The following PCDHGA2 variants were observed in gnomAD, a reference collection of about 807,000 sequenced individuals.
The protein encoded by PCDHGA2 is protocadherin gamma subfamily A, 2.
A neutral mutation model predicts 59.2 loss-of-function variants in PCDHGA2; 40 were observed. The ratio of observed to expected loss-of-function variants is 0.68; its 90% confidence interval spans 0.52 to 0.88. PCDHGA2 has a LOEUF of 0.88. Among genes scored for constraint, PCDHGA2 ranks in the 40% least tolerant of loss-of-function variants. The pLI, the probability that PCDHGA2 is intolerant of heterozygous loss-of-function variation, is 0.00. For synonymous variants in PCDHGA2, 560 were observed against 526.0 expected (o/e 1.06, Z -0.89); for missense variants, 1,226 against 1,204.0 (o/e 1.02, Z -0.27).
chr5:141,393,508 T>C, intron 1 of PCDHGA2: 1 of 1,614,010 alleles, frequency 6.2e-7, no homozygotes, highest in Non-Finnish European at 8.5e-7. Context: ...CACGTGACAG[T>C]GTTGGATACA....
chr5:141,376,384 T>C (rs1588802430), intron 1 of PCDHGA2: 13 of 1,614,204 alleles, frequency 8.1e-6, no homozygotes, highest in Middle Eastern at 1.7e-4. Context: ...GTAAGAGTCA[T>C]CTGATTTTCC....
Position 141,359,394 on chromosome 5 carries a change from C to G in PCDHGA2, c.2424+17999C>G, listed in dbSNP as rs141452272. ...CAGTAGATAATTTATAACCTAAAAT[C>G]AAATTTTTTAAAAAATGTGTTTTTG... On this transcript the variant is annotated intron_variant, in intron 1 of 3. Coordinates refer to ENST00000394576, the MANE Select transcript of PCDHGA2 (RefSeq NM_018915.4). Among the ~76,000 whole-genome samples the G allele has an allele frequency of 8.6e-5, 13 of 151,974 alleles. No homozygotes were observed. In the East Asian group the frequency reaches 2.3e-3, roughly 27 times the overall value.
At chr5:141,415,904 C>T in intron 1 of PCDHGA2, 1 of 833,428 alleles carries the variant, frequency 1.2e-6, no homozygotes, top group Non-Finnish European at 1.6e-6. Context: ...AGACAGACTT[C>T]CATACAGAAG....
intron 1 of PCDHGA2, chr5:141,362,251 G>T: frequency 6.2e-7 from 1 of 1,613,980 alleles, no homozygotes; most frequent in Non-Finnish European, 8.5e-7. Context: ...CTTCTTCCTC[G>T]CGGTGATTCT....
chr5:141,361,118 C>T, intron 1 of PCDHGA2: 2 of 1,614,006 alleles, frequency 1.2e-6, no homozygotes, highest in Non-Finnish European at 8.5e-7. Flanking sequence ...GGAGATCTAG[C>T]AGCCCACTGC....
Position 141,410,397 on chromosome 5 carries a change from G to T in PCDHGA2, c.2424+69002G>T, listed in dbSNP as rs1338071222. Reference sequence around the variant, plus strand: ...TGGGACTGCTTCCATCCTGGTCTCTGTGTCAAGTCTGGACCTGTAGTTCCC... The same window carrying T: ...TGGGACTGCTTCCATCCTGGTCTCTTTGTCAAGTCTGGACCTGTAGTTCCC... On this transcript the variant is annotated intron_variant, in intron 1 of 3. Coordinates refer to ENST00000394576, the MANE Select transcript of PCDHGA2 (RefSeq NM_018915.4). The T allele has an allele frequency of 3.7e-6, 6 of 1,613,930 alleles. No homozygotes were observed. The African/African-American group carries it at 8.0e-5, about 22-fold the overall frequency.
intron 1 of PCDHGA2, chr5:141,355,264 G>A (rs201894028): frequency 1.2e-5 from 19 of 1,613,482 alleles, no homozygotes; most frequent in African/African-American, 9.3e-5. Context: ...TCTCCTGGGG[G>A]TTCTGGTGGA....
chr5:141,489,250 A>C lies in PCDHGA2; in HGVS notation c.2425-5557A>C. 1 of 1,546,554 alleles carries C rather than the reference A, an allele frequency of 6.5e-7. No individual in the cohort carries two copies. The highest frequency in any genetic ancestry group is 8.7e-7 in the Non-Finnish European group (1 of 1,146,722). On this transcript the variant is annotated intron_variant, in intron 1 of 3. Transcript: ENST00000394576. This position sits in a 1 kb window ranked among gnomAD's most constrained non-coding sequence, Gnocchi z 4.5. The stretch of plus-strand genomic sequence containing the variant: ...AAGGGACTTCTGGGTCATGGGGCCC[A>C]AGACACTCCCACAGCTCGCTGGGAA...
At chr5:141,371,426 C>T (rs1210982594) in intron 1 of PCDHGA2, 34 of 1,613,774 alleles carry the variant, frequency 2.1e-5, no homozygotes, top group Non-Finnish European at 2.7e-5. Flanking sequence ...ATGACAATGC[C>T]CCGGAGATAA....
intron 1 of PCDHGA2, chr5:141,405,289 C>G (rs1206637203): frequency 1.7e-5 from 28 of 1,614,070 alleles, no homozygotes; most frequent in Non-Finnish European, 2.4e-5. Context: ...CAGACACACT[C>G]ATCAGCCAGC....
intron 1 of PCDHGA2, chr5:141,422,697 C>T (rs1406213402): frequency 3.7e-6 from 6 of 1,603,284 alleles, no homozygotes; most frequent in South Asian, 1.1e-5. Flanking sequence ...TGGTCACTTA[C>T]TCTCTGACGG....
intron 1 of PCDHGA2, chr5:141,423,627 C>T (rs925883716): frequency 6.2e-7 from 1 of 1,604,886 alleles, no homozygotes; most frequent in African/African-American, 1.3e-5. Context: ...ACTCAGCTAT[C>T]ATTTTAGGCA....
At chr5:141,367,536 C>CG (rs1376897976) in intron 1 of PCDHGA2, 1 of 106,510 alleles carries the variant, frequency 9.4e-6, no homozygotes, top group Admixed American at 1.0e-4. Flanking sequence ...GACTCCGTCT[C>CG]AAAATAAATA....
chr5:141,419,275 G>A, intron 1 of PCDHGA2: 26 of 1,613,974 alleles, frequency 1.6e-5, no homozygotes, highest in Non-Finnish European at 2.2e-5. Flanking sequence ...CCTCCATAGC[G>A]CAAGTCAGTG....
intron 1 of PCDHGA2, chr5:141,422,102 T>A: frequency 6.2e-7 from 1 of 1,609,526 alleles, no homozygotes; most frequent in Non-Finnish European, 8.5e-7. Context: ...GCTTCTGAAA[T>A]ATTCCAATTG....
intron 1 of PCDHGA2, chr5:141,400,039 C>T: frequency 6.2e-7 from 1 of 1,613,512 alleles, no homozygotes; most frequent in Non-Finnish European, 8.5e-7. Context: ...CCGCCAGCGC[C>T]TGCTGGTTGC....
At chr5:141,344,232 G>C (rs762455729) in intron 1 of PCDHGA2, 2 of 1,614,044 alleles carry the variant, frequency 1.2e-6, no homozygotes, top group South Asian at 1.1e-5. Context: ...AGTCCGCATC[G>C]TCTCCAGAGG....
intron 1 of PCDHGA2, chr5:141,372,840 A>G (rs373804282): frequency 2.6e-6 from 4 of 1,521,774 alleles, no homozygotes; most frequent in Non-Finnish European, 3.5e-6. Context: ...CCTTCCATAA[A>G]TATAATTGGG....
chr5:141,383,705 T>C lies in PCDHGA2; in HGVS notation c.2424+42310T>C, dbSNP rs765563941. The C allele has an allele frequency of 5.0e-6, 8 of 1,614,020 alleles. No individual in the cohort carries two copies. In the South Asian group the frequency reaches 8.8e-5, roughly 18 times the overall value. ...CTGCTCACGGTACATGCTATCGACC[T>C]GGACGAGGGAGTCAATGGGGAAGTG... On this transcript the variant is annotated intron_variant, in intron 1 of 3. Transcript: ENST00000394576.
Sources: allele counts gnomAD v4.1 joint callset (sites outside exome capture counted in the v4.1 genomes callset), GRCh38; gene constraint gnomAD v4.1.1; non-coding constraint Gnocchi (gnomAD v3.1); transcripts MANE v1.5; gene names NCBI Gene and HGNC (gene_info 2026-07-23, HGNC 2026-07-21).